Variants in ANKRD10 observed in about 807,000 individuals in gnomAD.
The protein encoded by ANKRD10 is ankyrin repeat domain 10.
ANKRD10 carries 14 observed loss-of-function variants against 27.0 expected under a neutral mutation model. The ratio of observed to expected loss-of-function variants is 0.52; its 90% confidence interval spans 0.34 to 0.81. The LOEUF (loss-of-function observed/expected upper bound fraction) is 0.81. Among genes scored for constraint, ANKRD10 ranks in the 40% least tolerant of loss-of-function variants. The probability of loss-of-function intolerance (pLI) is 0.01; values close to 1 mark genes in which losing one functional copy is unlikely to be tolerated. For synonymous variants in ANKRD10, 250 were observed against 224.5 expected, an observed-to-expected ratio of 1.11 and a Z score of -1.01; for missense variants, 493 against 544.0, an observed-to-expected ratio of 0.91 and a Z score of 0.93.
At chr13:110,898,825 G>A (rs1594598867) in intron 3 of ANKRD10, among the ~76,000 whole-genome samples, 2 of 145,306 alleles carry the variant, frequency 1.4e-5, no homozygotes, top group Admixed American at 1.5e-4. Context: ...GCGTGATCTC[G>A]GCTCACCGCA....
At chr13:110,891,744 C>A (rs774351065) in intron 4 of ANKRD10, among the ~76,000 whole-genome samples, 13 of 151,758 alleles carry the variant, frequency 8.6e-5, no homozygotes, top group Non-Finnish European at 1.5e-4. Context: ...AACCAACGGG[C>A]AAAACTTTGT....
At chr13:110,893,383 C>T (rs966661571) in intron 3 of ANKRD10, 120 bp from the exon 4 acceptor site, 1 of 892,838 alleles carries the variant, frequency 1.1e-6, no homozygotes. Context: ...CATAGCAAAT[C>T]TTCATTAAAG....
intron 3 of ANKRD10, chr13:110,900,672 T>C: frequency 2.2e-6 from 3 of 1,351,760 alleles, no homozygotes; most frequent in Non-Finnish European, 2.9e-6. Context: ...CTTGAAAAAA[T>C]CAAGTCAATT....
intron 4 of ANKRD10, among the ~76,000 whole-genome samples, chr13:110,887,165 G>A (rs149517481): frequency 4.5e-4 from 69 of 152,308 alleles, no homozygotes; most frequent in African/African-American, 1.6e-3. Flanking sequence ...ACTTGGGGCT[G>A]ATGCCCAGGG....
chr13:110,897,784 A>T (rs1242733418), intron 3 of ANKRD10, among the ~76,000 whole-genome samples: 1 of 152,292 alleles, frequency 6.6e-6, no homozygotes, highest in Middle Eastern at 3.4e-3. Flanking sequence ...ACTCTTCTCC[A>T]TAACGGTTGT....
At chr13:110,896,678 T>C (rs1232717716) in intron 3 of ANKRD10, among the ~76,000 whole-genome samples, 1 of 152,264 alleles carries the variant, frequency 6.6e-6, no homozygotes, top group Non-Finnish European at 1.5e-5. Context: ...TTCTCAGTCC[T>C]AACTACTCAA....
intron 3 of ANKRD10, chr13:110,900,438 T>G: frequency 1.1e-6 from 1 of 932,362 alleles, no homozygotes; most frequent in Non-Finnish European, 1.3e-6. Flanking sequence ...GAAAGGTAGA[T>G]ATCATAAATT....
At chr13:110,895,115 T>C (rs182221746) in intron 3 of ANKRD10, 53 of 152,308 alleles carry the variant, frequency 3.5e-4, no homozygotes, top group African/African-American at 1.2e-3. Flanking sequence ...AAACTGATTA[T>C]TTCTATAGAT....
intron 3 of ANKRD10, chr13:110,895,213 C>G (rs1351403540): frequency 6.6e-6 from 1 of 152,096 alleles, no homozygotes; most frequent in Non-Finnish European, 1.5e-5. Flanking sequence ...TGAAATAAAG[C>G]CCACAGTAAA....
chr13:110,883,659 G>T, intron 5 of ANKRD10, 39 bp downstream of exon 5: 1 of 1,610,870 alleles, frequency 6.2e-7, no homozygotes, highest in Non-Finnish European at 8.5e-7. Flanking sequence ...TCAACCATTG[G>T]ATTGTTGTTG....
chr13:110,890,510 AAGAC>A (rs1192092348), intron 4 of ANKRD10, among the ~76,000 whole-genome samples: 12 of 152,376 alleles, frequency 7.9e-5, no homozygotes, highest in African/African-American at 2.6e-4. Flanking sequence ...AACTACATAA[AAGAC>A]AGAACCATCA....
At chr13:110,914,376 CCG>C (rs569966191) in intron 1 of ANKRD10, 188 of 179,388 alleles carry the variant, frequency 1.0e-3, no homozygotes, top group Middle Eastern at 6.7e-3. Flanking sequence ...CCCGCACCAT[CCG>C]CGCGCGCGCG....
chr13:110,891,706 G>A (rs1005696693), intron 4 of ANKRD10, among the ~76,000 whole-genome samples: 8 of 152,028 alleles, frequency 5.3e-5, no homozygotes, highest in African/African-American at 1.4e-4. Flanking sequence ...TTTTCCTTAT[G>A]CTGTAACTTG....
chr13:110,881,117 T>C (rs1312192621), intron 5 of ANKRD10, among the ~76,000 whole-genome samples: 1 of 152,254 alleles, frequency 6.6e-6, no homozygotes, highest in Non-Finnish European at 1.5e-5. Flanking sequence ...GTAATATTCA[T>C]GTTCACAGGA....
At chr13:110,880,772 CAT>C (rs986327509) in intron 5 of ANKRD10, among the ~76,000 whole-genome samples, 22 of 152,284 alleles carry the variant, frequency 1.4e-4, no homozygotes, top group African/African-American at 4.1e-4. Context: ...CCAAATGCCA[CAT>C]GAGAGCAGTG....
Position 110,902,563 on chromosome 13 carries a change from C to A in ANKRD10, c.455+3470G>T, listed in dbSNP as rs180780739. Among the ~76,000 whole-genome samples, 51 of 152,284 alleles carry A rather than the reference C, an allele frequency of 3.3e-4. No individual in the cohort carries two copies. In the East Asian group the frequency reaches 9.7e-3, roughly 29 times the overall value. On this transcript the variant is annotated intron_variant, in intron 3 of 5. Transcript: ENST00000267339. ...CAAGAGAGACTTTTCTAGAGTGAGT[C>A]ACTGAATTTGCTTATATAAGGCTAT...
chr13:110,910,847 T>C (rs2065679220), intron 1 of ANKRD10, 77 bp from the exon 2 acceptor site: 1 of 1,397,020 alleles, frequency 7.2e-7, no homozygotes, highest in East Asian at 2.6e-5. Flanking sequence ...TAATCGAAAT[T>C]CTATAATGGT....
intron 4 of ANKRD10, among the ~76,000 whole-genome samples, chr13:110,885,930 A>T (rs1338617034): frequency 6.6e-6 from 1 of 152,244 alleles, no homozygotes; most frequent in African/African-American, 2.4e-5. Context: ...GCTTCACGAA[A>T]GCTGGGGTGT....
intron 2 of ANKRD10, among the ~76,000 whole-genome samples, chr13:110,908,828 T>C (rs556039138): frequency 6.6e-6 from 1 of 152,302 alleles, no homozygotes; most frequent in Admixed American, 6.5e-5. Context: ...CTACCTAAGA[T>C]ACACTAAGGA....
Sources: gnomAD v4.1 joint callset for allele counts (sites outside exome capture counted in the v4.1 genomes callset) on GRCh38, gnomAD v4.1.1 for gene constraint, MANE v1.5 for transcripts, NCBI Gene and HGNC (gene_info 2026-07-23, HGNC 2026-07-21) for gene names.